HMCN1: variants seen among roughly 807,000 people sequenced by gnomAD.
The protein encoded by HMCN1 is hemicentin-1.
HMCN1 carries 321 observed loss-of-function variants against 625.9 expected under a neutral mutation model. The ratio of observed to expected loss-of-function variants is 0.51; its 90% CI spans 0.47 to 0.56. HMCN1 has a LOEUF of 0.56. Among genes scored for constraint, HMCN1 ranks in the 20% least tolerant of loss-of-function variants. The pLI is 0.00. For synonymous variants in HMCN1, 2,425 were observed against 2,417.6 expected, an observed-to-expected ratio of 1.00 and a Z score of -0.09; for missense variants, 6,588 against 6,887.3, an observed-to-expected ratio of 0.96 and a Z score of 1.54.
At position 186,120,113 on chromosome 1, in the gene HMCN1, C is replaced by G. The variant is rs1303493623; in HGVS notation, c.12197C>G (p.Thr4066Arg). 6.2e-7 allele frequency: 1 copy of G among 1,613,962 alleles called. No homozygotes were observed. The highest frequency in any genetic ancestry group is 2.2e-5 in the East Asian group (1 of 44,868). ...YMCVAQNPAG[T>R]ALGKIKLNVQ... is the part of the protein sequence containing the mutation. ...TGTGTGGCCCAGAACCCGGCTGGTA[C>G]AGCCTTGGGCAAAATCAAGTTAAAT... Residue 4066 changes from threonine (T) to arginine (R), a missense_variant, in exon 80 of 107, where the codon ACA becomes AGA. Physicochemically the swap from Thr to Arg is moderately conservative, Grantham distance 71. Around this residue, in one of 3 missense-constraint regions of HMCN1, gnomAD observed 1,954 missense variants for 2,013.1 expected, o/e 0.97. Transcript: ENST00000271588.
intron 53 of HMCN1, 39 bp downstream of exon 53, chr1:186,074,930 TG>T: frequency 6.7e-7 from 1 of 1,495,514 alleles, no homozygotes; most frequent in Non-Finnish European, 9.3e-7. Context: ...GTAATTTATA[TG>T]ATCTTTCAAA....
intron 68 of HMCN1, among the ~76,000 whole-genome samples, chr1:186,099,319 G>C (rs1660284850): frequency 6.6e-6 from 1 of 152,042 alleles, no homozygotes; most frequent in South Asian, 2.1e-4. Flanking sequence ...AAGAAAAACT[G>C]TGTGTCTGGG....
intron 106 of HMCN1, among the ~76,000 whole-genome samples, chr1:186,188,675 A>G (rs376984292): frequency 6.6e-6 from 1 of 152,274 alleles, no homozygotes; most frequent in East Asian, 1.9e-4. Context: ...GAAACCAAAT[A>G]CTGGCTGGAG....
At chr1:185,886,605 A>G in intron 4 of HMCN1, among the ~76,000 whole-genome samples, 1 of 151,802 alleles carries the variant, frequency 6.6e-6, no homozygotes, top group South Asian at 2.1e-4. Context: ...TTTTTTTTAG[A>G]AAATTGTGTT....
At position 186,062,570 on chromosome 1, in the gene HMCN1, C is replaced by A; in HGVS notation, c.7483C>A (p.Gln2495Lys). The A allele has an allele frequency of 6.2e-7, 1 of 1,612,674 alleles. No homozygotes were observed. The highest frequency in any genetic ancestry group is 8.5e-7 in the Non-Finnish European group (1 of 1,178,960). The change falls in exon 48 of 107, where the codon CAG becomes AAG. Residue 2495 changes from glutamine to lysine, a missense_variant. Gln to Lys is a moderately conservative substitution (Grantham distance 53). Around this residue, in one of 3 missense-constraint regions of HMCN1, gnomAD observed 4,628 missense variants for 4,853.1 expected, o/e 0.95. Transcript: ENST00000271588. ...TLEDVKVKEK[Q>K]SVTLTCEVTG... ...GGAAGATGTGAAGGTAAAAGAGAAA[C>A]AGAGTGTTACGCTGACTTGTGAAGT...
chr1:186,015,022 A>T, intron 30 of HMCN1, 137 bp from the exon 31 acceptor site: 4 of 742,096 alleles, frequency 5.4e-6, no homozygotes, highest in African/African-American at 1.8e-5. Context: ...GAAACTCATT[A>T]TCAGGAGATA....
rs6698560 is a variant in HMCN1 at position 185,945,266 on chromosome 1, C to T, written c.1828+11442C>T. On this transcript the variant is annotated intron_variant, in intron 11 of 106. Coordinates refer to ENST00000271588, the MANE Select transcript of HMCN1 (RefSeq NM_031935.3). The stretch of plus-strand genomic sequence containing the variant: ...TCTTTATTTATGCTATGCCCCTAGG[C>T]ACTACCTCATTCATACTATGTAGTA... 9.7e-4 allele frequency among the ~76,000 whole-genome samples: 148 copies of T among 152,308 alleles called. 3 individuals are homozygous for T. The highest frequency in any genetic ancestry group is 3.3e-3 in the African/African-American group (139 of 41,578).
intron 1 of HMCN1, among the ~76,000 whole-genome samples, chr1:185,789,155 C>T (rs1267834639): frequency 6.6e-6 from 1 of 152,044 alleles, no homozygotes. Context: ...AACAATGGTA[C>T]CTTATTGAGT....
intron 14 of HMCN1, among the ~76,000 whole-genome samples, chr1:185,967,376 T>C (rs776371889): frequency 8.6e-5 from 13 of 152,034 alleles, no homozygotes; most frequent in Admixed American, 1.3e-4. Flanking sequence ...TGAGAGATTC[T>C]AGAATTTACT....
Position 186,078,360 on chromosome 1 carries a change from A to G in HMCN1, c.8599+140A>G, listed in dbSNP as rs1011276842. Reference sequence around the variant, plus strand: ...TGATAGTTCTCCCAAGGAGGTAATTATCTTCTACAAATTGACAGCACATTA... The same window carrying G: ...TGATAGTTCTCCCAAGGAGGTAATTGTCTTCTACAAATTGACAGCACATTA... On this transcript the variant is annotated intron_variant, in intron 55 of 106. Coordinates refer to ENST00000271588, the MANE Select transcript of HMCN1 (RefSeq NM_031935.3). 4.4e-6 allele frequency: 3 copies of G among 685,638 alleles called. No individual in the cohort carries two copies. The African/African-American group carries it at 5.4e-5, about 12-fold the overall frequency. The allele number at this position is 685,638 out of a possible 1,614,324, so 42.5% of individuals were successfully genotyped here.
At chr1:185,987,395 C>A in intron 19 of HMCN1, 37 bp from the exon 20 acceptor site, 2 of 1,216,992 alleles carry the variant, frequency 1.6e-6, no homozygotes, top group Non-Finnish European at 2.4e-6. Context: ...AATGGAAGAA[C>A]AGGTGCTCAG....
intron 4 of HMCN1, among the ~76,000 whole-genome samples, chr1:185,876,250 T>C (rs1313336864): frequency 6.6e-6 from 1 of 152,092 alleles, no homozygotes; most frequent in African/African-American, 2.4e-5. Flanking sequence ...GATTTCACTC[T>C]TTTTTTATAG....
chr1:186,178,851 G>A lies in HMCN1; in HGVS notation c.16294+85G>A, dbSNP rs953875416. 4.3e-6 allele frequency: 4 copies of A among 935,726 alleles called. No homozygotes were observed. In the South Asian group the frequency reaches 5.3e-5, roughly 12 times the overall value. 58.0% of individuals were successfully genotyped at this position (935,726 alleles called of 1,614,324 possible). A position where few individuals can be genotyped will look rare whatever the true frequency, so the allele number is the denominator to read the frequency against. ...GTACAGCACCTGTGATTGTTTGAGT[G>A]CAGTGAACTACATCTGATCTCAAGT... On this transcript the variant is annotated intron_variant, in intron 104 of 106. Transcript: ENST00000271588.
At chr1:185,754,355 A>G (rs1362579493) in intron 1 of HMCN1, among the ~76,000 whole-genome samples, 1 of 152,234 alleles carries the variant, frequency 6.6e-6, no homozygotes, top group South Asian at 2.1e-4. Flanking sequence ...TCAATGCTTA[A>G]TAAATCAGAC....
rs1470696158 is a variant in HMCN1, at chr1:186,115,294, C to T, written c.11441C>T (p.Thr3814Ile). 1.2e-6 allele frequency: 2 copies of T among 1,613,898 alleles called. No individual in the cohort carries two copies. The highest frequency in any genetic ancestry group is 2.7e-5 in the African/African-American group (2 of 74,914). Reference sequence around the variant, plus strand: ...ATTGCTCCGGGTCCTACCAACATGACTGTAATAGTAAATGTTCAAACTACT... The same window carrying T: ...ATTGCTCCGGGTCCTACCAACATGATTGTAATAGTAAATGTTCAAACTACT... ...PSIAPGPTNMTVIVNVQTTLA... is the reference protein window; with the variant it reads ...PSIAPGPTNMIVIVNVQTTLA... Residue 3814 changes from threonine (T) to isoleucine (I), a missense_variant, in exon 75 of 107, where the codon ACT becomes ATT. Transcript: ENST00000271588.
At chr1:186,014,743 A>G (rs999492189) in intron 30 of HMCN1, among the ~76,000 whole-genome samples, 11 of 152,140 alleles carry the variant, frequency 7.2e-5, no homozygotes, top group African/African-American at 2.7e-4. Flanking sequence ...GCTGGTTCTG[A>G]AAACACTTAG....
rs191702179 is a variant in HMCN1 at position 186,111,126 on chromosome 1, A to G, written c.10990-1686A>G. Among the ~76,000 whole-genome samples, 30 of 150,052 alleles carry G rather than the reference A, an allele frequency of 2.0e-4. 1 individual carries two copies. The highest frequency in any genetic ancestry group is 1.6e-3 in the East Asian group (8 of 5,078). On this transcript the variant is annotated intron_variant, in intron 71 of 106. Transcript: ENST00000271588. ...CTCCCAAGTAGCTGGGACTACAGGC[A>G]CCCACCACCAGGCCCGGCTACTTTT...
chr1:186,038,581 A>T (rs977349812), intron 37 of HMCN1, among the ~76,000 whole-genome samples: 2 of 152,160 alleles, frequency 1.3e-5, no homozygotes, highest in Non-Finnish European at 2.9e-5. Flanking sequence ...AATAATACTG[A>T]TATATTAGAG....
In HMCN1 at chr1:186,003,841, G is replaced by A. The variant is rs1361247222; in HGVS notation, c.4472G>A (p.Gly1491Asp). 3 of 1,613,064 alleles carry A rather than the reference G, an allele frequency of 1.9e-6. No homozygotes were observed. Among genetic ancestry groups the A allele is most frequent in the Non-Finnish European group, 2.5e-6 (3 of 1,179,246 alleles). ...PFPDIHWFKD[G>D]KPLFLGDPNV... is the part of the protein sequence containing the mutation. ...CCTGATATTCATTGGTTCAAAGATG[G>A]CAAGTGAGTATCTTTTCTGTATTTG... The change falls in exon 29 of 107, where the codon GGC becomes GAC. Residue 1491 changes from glycine to aspartate, a missense_variant. Transcript: ENST00000271588.
Sources: gnomAD v4.1 joint callset for allele counts (sites outside exome capture counted in the v4.1 genomes callset) on GRCh38, gnomAD v4.1.1 for gene constraint, gnomAD v4.1.1 regional missense constraint, MANE v1.5 for transcripts, NCBI Gene and HGNC (gene_info 2026-07-23, HGNC 2026-07-21) for gene names.